Variants in TTBK2 observed in about 807,000 individuals in gnomAD.
TTBK2 encodes the protein tau tubulin kinase 2, also known as tau-tubulin kinase 2.
TTBK2 carries 28 observed loss-of-function variants against 110.8 expected under a neutral mutation model. That is an observed-to-expected ratio of 0.25 (90% CI 0.19 to 0.35). TTBK2 has a LOEUF of 0.35. Ranked by LOEUF, TTBK2 falls within the 10% of genes least tolerant of loss-of-function variation. The pLI is 1.00. For missense variants in TTBK2, 1,369 were observed against 1,500.3 expected (o/e 0.91, Z 1.45); for synonymous variants, 532 against 527.3 (o/e 1.01, Z -0.12).
intron 9 of TTBK2, among the ~76,000 whole-genome samples, chr15:42,795,155 A>G (rs1890879726): frequency 6.6e-6 from 1 of 152,234 alleles, no homozygotes; most frequent in Non-Finnish European, 1.5e-5. Context: ...AAAACAAAAC[A>G]AAACAAGGAC....
chr15:42,792,764 T>TC (rs1491237486), intron 10 of TTBK2, among the ~76,000 whole-genome samples: 1 of 152,178 alleles, frequency 6.6e-6, no homozygotes, highest in Non-Finnish European at 1.5e-5. Context: ...CTCATTTTTT[T>TC]CTCTCTTTTT....
At chr15:42,898,414 A>G (rs865991594) in intron 1 of TTBK2, among the ~76,000 whole-genome samples, 3 of 151,840 alleles carry the variant, frequency 2.0e-5, no homozygotes, top group African/African-American at 7.3e-5. Context: ...TTACGGTAGC[A>G]TGCACCTGTA....
intron 14 of TTBK2, among the ~76,000 whole-genome samples, chr15:42,749,716 TTTTC>T (rs1214268998): frequency 6.6e-6 from 1 of 152,228 alleles, no homozygotes; most frequent in Non-Finnish European, 1.5e-5. Context: ...CAGTCCTCTT[TTTTC>T]TTCTTCCCTC....
chr15:42,872,892 T>C, intron 2 of TTBK2, 134 bp from the exon 3 acceptor site: 1 of 1,145,840 alleles, frequency 8.7e-7, no homozygotes, highest in South Asian at 1.7e-5. Context: ...TATTGTTAAA[T>C]TAACTATGTA....
chr15:42,899,742 A>C (rs975306421), intron 1 of TTBK2, among the ~76,000 whole-genome samples: 6 of 151,622 alleles, frequency 4.0e-5, no homozygotes, highest in South Asian at 2.1e-4. Context: ...CATACAAAAA[A>C]AGAAAAAAAT....
At chr15:42,815,958 A>AAAAAAAATATATATATATATATAT (rs71108183) in intron 7 of TTBK2, among the ~76,000 whole-genome samples, 1 of 91,716 alleles carries the variant, frequency 1.1e-5, no homozygotes, top group African/African-American at 6.2e-5. Context: ...TTAAAAAAAA[A>AAAAAAAATATATATATATATATAT]ATATATATAT....
intron 1 of TTBK2, among the ~76,000 whole-genome samples, chr15:42,888,323 T>A (rs565237287): frequency 2.6e-5 from 4 of 152,210 alleles, no homozygotes; most frequent in Non-Finnish European, 5.9e-5. Context: ...TGGCCCGGAC[T>A]TCAATCCATC....
intron 4 of TTBK2, among the ~76,000 whole-genome samples, chr15:42,831,367 A>G (rs780708364): frequency 6.6e-6 from 1 of 152,132 alleles, no homozygotes; most frequent in African/African-American, 2.4e-5. Context: ...GGCCCCATAT[A>G]AAGTTTTTAG....
At chr15:42,791,296 G>C (rs79737031) in intron 10 of TTBK2, among the ~76,000 whole-genome samples, 2,324 of 152,312 alleles carry the variant, frequency 0.015, 29 homozygotes, top group East Asian at 0.058. Context: ...GGGATTACAA[G>C]TATGAGCCAT....
chr15:42,878,733 T>C, intron 1 of TTBK2, 49 bp from the exon 2 acceptor site: 2 of 1,580,118 alleles, frequency 1.3e-6, no homozygotes, highest in South Asian at 1.1e-5. Flanking sequence ...GGTTAACTAA[T>C]CAACACAAAT....
At chr15:42,763,150 A>ACG (rs1157101632) in intron 13 of TTBK2, among the ~76,000 whole-genome samples, 6 of 61,462 alleles carry the variant, frequency 9.8e-5, no homozygotes, top group African/African-American at 7.1e-4. Flanking sequence ...ATACATATAT[A>ACG]TATATACATA....
At chr15:42,765,703 T>C (rs942784615) in intron 13 of TTBK2, among the ~76,000 whole-genome samples, 3 of 152,162 alleles carry the variant, frequency 2.0e-5, no homozygotes, top group African/African-American at 7.2e-5. Flanking sequence ...TGCAGGATAT[T>C]ATCCAGGAGA....
chr15:42,820,550 T>G (rs1312471352), intron 6 of TTBK2, among the ~76,000 whole-genome samples: 1 of 152,224 alleles, frequency 6.6e-6, no homozygotes, highest in Non-Finnish European at 1.5e-5. Context: ...ATACTTGCAT[T>G]TGTGCAAAAA....
chr15:42,920,997 C>A (rs2031343006), upstream of TTBK2, among the ~76,000 whole-genome samples: 2 of 152,182 alleles, frequency 1.3e-5, no homozygotes, highest in South Asian at 4.1e-4. Context: ...GGAGAATTGC[C>A]GCTATCTTCA....
At chr15:42,760,343 C>G (rs1461432788) in intron 13 of TTBK2, among the ~76,000 whole-genome samples, 1 of 145,710 alleles carries the variant, frequency 6.9e-6, no homozygotes, top group African/African-American at 2.5e-5. Context: ...TGAGATCATG[C>G]CACTGCACTC....
At chr15:42,782,116 G>T (rs11632809) in intron 11 of TTBK2, among the ~76,000 whole-genome samples, 1 of 151,844 alleles carries the variant, frequency 6.6e-6, no homozygotes, top group East Asian at 1.9e-4. Flanking sequence ...CTGTCATCCA[G>T]GCTGGAGTGC....
chr15:42,756,306 C>T (rs1434228462), intron 13 of TTBK2, among the ~76,000 whole-genome samples: 3 of 152,158 alleles, frequency 2.0e-5, no homozygotes, highest in Non-Finnish European at 2.9e-5. Context: ...ATACTCCAGG[C>T]CAAGCACGGT....
rs1595871882 is a variant in TTBK2 at position 42,746,382 on chromosome 15, G to A, written c.3273-125C>T. Reference sequence around the variant, plus strand: ...AGAAAATAGACTAACAGGATACAGGGTTACTCTGTCATATACTAGTTGTAT... The same window carrying A: ...AGAAAATAGACTAACAGGATACAGGATTACTCTGTCATATACTAGTTGTAT... On this transcript the variant is annotated intron_variant, in intron 14 of 14. Transcript: ENST00000267890. 1.2e-5 allele frequency: 9 copies of A among 760,048 alleles called. No homozygotes were observed. The South Asian group carries it at 1.4e-4, about 12-fold the overall frequency. The allele number at this position is 760,048 out of a possible 1,614,324, so 47.1% of individuals were successfully genotyped here.
At chr15:42,853,704 G>T (rs570332848) in intron 3 of TTBK2, among the ~76,000 whole-genome samples, 1 of 151,930 alleles carries the variant, frequency 6.6e-6, no homozygotes, top group Non-Finnish European at 1.5e-5. Flanking sequence ...AACCAACATC[G>T]TCAGATTGAA....
Sources: gnomAD v4.1 joint callset for allele counts (sites outside exome capture counted in the v4.1 genomes callset) on GRCh38, gnomAD v4.1.1 for gene constraint, MANE v1.5 for transcripts, NCBI Gene and HGNC (gene_info 2026-07-23, HGNC 2026-07-21) for gene names.